The following TMEM232 variants were observed in gnomAD, a reference collection of about 807,000 sequenced individuals.
TMEM232 encodes transmembrane protein 232.
In TMEM232, 80 loss-of-function variants were observed where a neutral mutation model predicts 78.8. That is an observed-to-expected ratio of 1.01 (90% CI 0.85 to 1.22). The LOEUF (loss-of-function observed/expected upper bound fraction) is 1.22, where lower values mean the gene tolerates loss of function less well. Among genes scored for constraint, TMEM232 ranks in the 50% most tolerant of loss-of-function variants. The pLI, the probability that TMEM232 is intolerant of heterozygous loss-of-function variation, is 0.00. For synonymous variants in TMEM232, 297 were observed against 254.3 expected, an observed-to-expected ratio of 1.17 and a Z score of -1.60; for missense variants, 881 against 742.2, an observed-to-expected ratio of 1.19 and a Z score of -2.17.
intron 10 of TMEM232, among the ~76,000 whole-genome samples, chr5:110,587,977 A>G (rs1779067942): frequency 6.6e-6 from 1 of 151,744 alleles, no homozygotes; most frequent in Non-Finnish European, 1.5e-5. Context: ...AGAGTAAAAT[A>G]TTTTCCATGT....
Position 110,422,758 on chromosome 5 carries a change from CT to C in TMEM232, c.1798-2003del, listed in dbSNP as rs554020568. On this transcript the variant is annotated intron_variant, in intron 13 of 13. Coordinates refer to ENST00000455884, the MANE Select transcript of TMEM232 (RefSeq NM_001039763.4). Reference sequence around the variant, plus strand: ...AATTCACCATAACATCAAAATCCTTCTTTTCATTAGGCTTAGGAAAAAGCAT... The same window carrying C: ...AATTCACCATAACATCAAAATCCTTCTTTCATTAGGCTTAGGAAAAAGCAT... 2.7e-3 allele frequency among the ~76,000 whole-genome samples: 404 copies of C among 152,090 alleles called. 3 individuals carry two copies. The highest frequency in any genetic ancestry group is 4.3e-3 in the Non-Finnish European group (290 of 67,990).
intron 1 of TMEM232, among the ~76,000 whole-genome samples, chr5:110,694,024 GA>G (rs1461046353): frequency 1.3e-5 from 2 of 152,062 alleles, no homozygotes; most frequent in African/African-American, 4.8e-5. Context: ...AAGTTGAAAT[GA>G]AGGAAAAAAT....
intron 10 of TMEM232, among the ~76,000 whole-genome samples, chr5:110,604,237 T>C (rs1367561535): frequency 6.6e-6 from 1 of 152,180 alleles, no homozygotes; most frequent in African/African-American, 2.4e-5. Flanking sequence ...GTAAAGTTTT[T>C]TTCAACCACA....
chr5:110,430,388 T>C (rs1757702929), intron 12 of TMEM232, among the ~76,000 whole-genome samples: 2 of 151,292 alleles, frequency 1.3e-5, no homozygotes, highest in Non-Finnish European at 3.0e-5. Flanking sequence ...CCCAAATAGG[T>C]TAATATTCAG....
intron 5 of TMEM232, among the ~76,000 whole-genome samples, chr5:110,633,578 T>C (rs925858919): frequency 6.6e-6 from 1 of 152,154 alleles, no homozygotes; most frequent in Non-Finnish European, 1.5e-5. Context: ...TGAGTTCTCA[T>C]GACATCTGAT....
chr5:110,554,745 C>G (rs138903013), intron 11 of TMEM232, among the ~76,000 whole-genome samples: 2 of 152,112 alleles, frequency 1.3e-5, no homozygotes, highest in African/African-American at 4.8e-5. Flanking sequence ...ACCTGCTCTT[C>G]TTTATACATC....
chr5:110,729,773 T>C (rs1798502886), upstream of TMEM232, among the ~76,000 whole-genome samples: 1 of 152,184 alleles, frequency 6.6e-6, no homozygotes. Flanking sequence ...CATTTTTTTT[T>C]CCTGTCCATT....
intron 10 of TMEM232, among the ~76,000 whole-genome samples, chr5:110,598,821 T>C (rs1271255731): frequency 8.1e-6 from 1 of 123,400 alleles, no homozygotes; most frequent in South Asian, 2.6e-4. Flanking sequence ...TAAGAACACA[T>C]GGACACAGGA....
chr5:110,455,465 C>T (rs1760799202), intron 12 of TMEM232, among the ~76,000 whole-genome samples: 1 of 151,870 alleles, frequency 6.6e-6, no homozygotes. Context: ...GCAAGCTCCA[C>T]CTCTTGCGTT....
In TMEM232 at chr5:110,463,998, T is replaced by A. The variant is rs374510555; in HGVS notation, c.1704-39082A>T. ...CAGGTATTCACATGGCTGTCTCATT[T>A]TATCATATGGGTCTTAGCTCAAATG... On this transcript the variant is annotated intron_variant, in intron 12 of 13. Coordinates refer to ENST00000455884, the MANE Select transcript of TMEM232 (RefSeq NM_001039763.4). Among the ~76,000 whole-genome samples the A allele has an allele frequency of 4.6e-5, 7 of 152,338 alleles. 1 individual carries two copies. Among genetic ancestry groups the A allele is most frequent in the East Asian group, 3.9e-4 (2 of 5,184 alleles).
intron 10 of TMEM232, among the ~76,000 whole-genome samples, chr5:110,575,842 C>A (rs1327685154): frequency 1.3e-5 from 2 of 151,996 alleles, no homozygotes; most frequent in African/African-American, 2.4e-5. Context: ...GGCCTACAGT[C>A]TGACACAGGG....
chr5:110,629,067 T>A (rs1207549841), intron 5 of TMEM232: 1 of 152,032 alleles, frequency 6.6e-6, no homozygotes, highest in African/African-American at 2.4e-5. Flanking sequence ...GTTGTAGTAC[T>A]GTGTTTCTCT....
At chr5:110,670,339 C>T (rs995016668) in intron 1 of TMEM232, among the ~76,000 whole-genome samples, 2 of 152,076 alleles carry the variant, frequency 1.3e-5, no homozygotes, top group African/African-American at 4.8e-5. Context: ...ACACCAATAA[C>T]AGACAAACAG....
intron 3 of TMEM232, among the ~76,000 whole-genome samples, chr5:110,641,280 A>G (rs1208966137): frequency 6.6e-6 from 1 of 152,090 alleles, no homozygotes; most frequent in East Asian, 1.9e-4. Context: ...AGTACTTCCA[A>G]TTTTCCCCCA....
chr5:110,530,770 T>G (rs1053883151), intron 11 of TMEM232, among the ~76,000 whole-genome samples: 5 of 152,100 alleles, frequency 3.3e-5, no homozygotes, highest in Non-Finnish European at 7.4e-5. Context: ...TTAGAAGAAA[T>G]AAATTCAAGA....
intron 12 of TMEM232, among the ~76,000 whole-genome samples, chr5:110,496,595 G>A (rs983925889): frequency 5.3e-5 from 8 of 151,992 alleles, no homozygotes; most frequent in Admixed American, 2.0e-4. Context: ...TGAGAGAAGA[G>A]AGAACAGATG....
At chr5:110,429,390 G>A (rs1018750437) in intron 12 of TMEM232, among the ~76,000 whole-genome samples, 1 of 151,732 alleles carries the variant, frequency 6.6e-6, no homozygotes, top group African/African-American at 2.4e-5. Flanking sequence ...TACAAGAAAA[G>A]GGGGGATAAT....
intron 1 of TMEM232, among the ~76,000 whole-genome samples, chr5:110,689,288 T>C (rs79910134): frequency 6.6e-6 from 1 of 152,256 alleles, no homozygotes; most frequent in African/African-American, 2.4e-5. Flanking sequence ...GAGTAGCCAA[T>C]TTAAAGAAAG....
At chr5:110,651,188 G>A (rs1788253117) in intron 2 of TMEM232, among the ~76,000 whole-genome samples, 1 of 152,042 alleles carries the variant, frequency 6.6e-6, no homozygotes, top group African/African-American at 2.4e-5. Flanking sequence ...ACTCTTTTGG[G>A]AGAGAATATA....
Sources: gnomAD v4.1 joint callset for allele counts (sites outside exome capture counted in the v4.1 genomes callset) on GRCh38, gnomAD v4.1.1 for gene constraint, MANE v1.5 for transcripts, NCBI Gene and HGNC (gene_info 2026-07-23, HGNC 2026-07-21) for gene names.